KLHL10: variants seen among roughly 807,000 people sequenced by gnomAD.
The protein encoded by KLHL10 is kelch like family member 10, also known as kelch-like protein 10.
A neutral mutation model predicts 46.6 loss-of-function variants in KLHL10; 11 were observed. That is an observed-to-expected ratio of 0.24 (90% confidence interval 0.15 to 0.39). The LOEUF is 0.39. KLHL10 is among the 10% of genes least tolerant of loss of function. The pLI is 1.00. For synonymous variants in KLHL10, 254 were observed against 279.1 expected, an observed-to-expected ratio of 0.91 and a Z score of 0.90; for missense variants, 475 against 789.8, an observed-to-expected ratio of 0.60 and a Z score of 4.78.
chr17:41,836,475 T>C (rs2144115742), upstream of KLHL10: 1 of 984,212 alleles, frequency 1.0e-6, no homozygotes, highest in South Asian at 4.7e-5. Context: ...CCACTCTTTG[T>C]GGAGGAAAAG....
upstream of KLHL10, chr17:41,837,573 T>C: frequency 1.8e-6 from 2 of 1,090,682 alleles, no homozygotes; most frequent in South Asian, 5.7e-5. Flanking sequence ...GCTCCAGGGA[T>C]AGAGACCTGT....
At chr17:41,842,736 G>A (rs782409540) in intron 2 of KLHL10, among the ~76,000 whole-genome samples, 4 of 151,986 alleles carry the variant, frequency 2.6e-5, no homozygotes, top group African/African-American at 4.8e-5. Flanking sequence ...TCAGGAGTTC[G>A]AGACCAGCCT....
Position 41,847,411 on chromosome 17 carries a change from G to T in KLHL10, c.1452+1G>T. ...TGCTTATGGAGAACATGTATATGCG[G>T]TAAGTTTATCTAGTACCACACACAC... On this transcript the variant is annotated splice_donor_variant, in intron 4 of 4. Coordinates refer to ENST00000293303, the MANE Select transcript of KLHL10 (RefSeq NM_152467.5). LOFTEE classifies it high-confidence loss of function. The T allele has an allele frequency of 6.2e-7, 1 of 1,613,700 alleles. No homozygotes were observed. The highest frequency in any genetic ancestry group is 8.5e-7 in the Non-Finnish European group (1 of 1,179,792).
intron 1 of KLHL10, 148 bp from the exon 2 acceptor site, chr17:41,841,675 G>C: frequency 1.1e-6 from 1 of 881,560 alleles, no homozygotes; most frequent in Non-Finnish European, 1.8e-6. Context: ...AGGTAAGAGT[G>C]ACCAAAGTCA....
intron 4 of KLHL10, 23 bp from the exon 5 acceptor site, chr17:41,847,910 C>T (rs200016950): frequency 6.7e-4 from 1,087 of 1,613,382 alleles, no homozygotes; most frequent in Non-Finnish European, 8.3e-4. Flanking sequence ...AGCAGTCAAC[C>T]GTGTTTCTTT....
chr17:41,842,463 C>A, intron 2 of KLHL10, 151 bp downstream of exon 2: 1 of 932,888 alleles, frequency 1.1e-6, no homozygotes, highest in Non-Finnish European at 1.6e-6. Flanking sequence ...TTTCCCTTGG[C>A]ATTACTAGTT....
chr17:41,836,013 A>T (rs558540039), upstream of KLHL10: 324 of 1,470,808 alleles, frequency 2.2e-4, 2 homozygotes, highest in African/African-American at 4.5e-3. Context: ...GCCCGAGGGG[A>T]GCCCGGGGCT....
chr17:41,841,642 A>G (rs1287072111), intron 1 of KLHL10, 181 bp from the exon 2 acceptor site: 6 of 675,494 alleles, frequency 8.9e-6, no homozygotes, highest in Admixed American at 2.5e-5. Flanking sequence ...TCTCAGTTCT[A>G]GATCTTAATT....
chr17:41,845,295 G>C lies in KLHL10; in HGVS notation c.854G>C (p.Arg285Thr). The change falls in exon 3 of 5, where the codon AGA becomes ACA. Residue 285 changes from arginine to threonine, a missense_variant. Arg to Thr is a moderately conservative substitution (Grantham distance 71). Transcript: ENST00000293303. ...SNSDFTNPLT[R>T]PRLPYAILFA... ...TCTGATTTCACCAACCCACTCACCA[G>C]ACCACGCTTGCCCTATGCCATCCTC... 6.2e-7 allele frequency: 1 copy of C among 1,614,206 alleles called. No homozygotes were observed. Among genetic ancestry groups the C allele is most frequent in the Non-Finnish European group, 8.5e-7 (1 of 1,180,036 alleles).
intron 1 of KLHL10, among the ~76,000 whole-genome samples, chr17:41,840,489 A>G (rs1470535568): frequency 1.3e-5 from 2 of 151,838 alleles, no homozygotes; most frequent in Admixed American, 6.6e-5. Flanking sequence ...ACCGGGCATA[A>G]ATACAAAAAG....
upstream of KLHL10, chr17:41,836,063 G>C (rs1293252236): frequency 1.4e-5 from 20 of 1,397,524 alleles, 1 homozygote; most frequent in South Asian, 3.4e-4. Context: ...GGGTGCGCGA[G>C]GGGGCGGCTA....
chr17:41,836,180 A>G (rs2048155063), upstream of KLHL10: 1 of 1,273,658 alleles, frequency 7.9e-7, no homozygotes, highest in Admixed American at 4.2e-5. Flanking sequence ...CTCCCTCCTC[A>G]CCTCCTCTGC....
chr17:41,847,817 T>C, intron 4 of KLHL10, 116 bp from the exon 5 acceptor site: 2 of 1,451,870 alleles, frequency 1.4e-6, no homozygotes, highest in South Asian at 1.2e-5. Context: ...AAAGCTTTTT[T>C]TCATGGAAGA....
chr17:41,843,711 C>T (rs911666961), intron 2 of KLHL10, among the ~76,000 whole-genome samples: 4 of 152,040 alleles, frequency 2.6e-5, no homozygotes, highest in African/African-American at 4.8e-5. Context: ...TCATTCTCAG[C>T]TTCCAAATGT....
chr17:41,835,835 G>A (rs781823166), upstream of KLHL10: 79 of 1,588,238 alleles, frequency 5.0e-5, no homozygotes, highest in Non-Finnish European at 6.3e-5. Context: ...CAGCCCGGCC[G>A]GCCCCCGCAC....
chr17:41,836,101 G>T, upstream of KLHL10: 1 of 1,342,770 alleles, frequency 7.4e-7, no homozygotes. Flanking sequence ...GCGGTGCCTC[G>T]GTGACCAGCT....
upstream of KLHL10, chr17:41,836,555 G>A (rs944361742): frequency 5.9e-5 from 39 of 658,928 alleles, no homozygotes; most frequent in Non-Finnish European, 6.6e-5. Context: ...GGGCGCGGTG[G>A]CCCATACCTG....
In KLHL10 at chr17:41,845,549, G is replaced by T; in HGVS notation, c.1108G>T (p.Ala370Ser). ...DPVKKTWHQV[A>S]PMHSRRCYVS... ...AGTCAAGAAAACTTGGCATCAGGTG[G>T]CCCCGATGCACTCCAGACGTTGCTA... is the stretch of plus-strand genomic sequence containing the variant. Residue 370 changes from alanine (A) to serine (S), a missense_variant, in exon 3 of 5, where the codon GCC (alanine) becomes TCC (serine). Transcript: ENST00000293303. 1 of 1,614,192 alleles carries T rather than the reference G, an allele frequency of 6.2e-7. No homozygotes were observed. The highest frequency in any genetic ancestry group is 1.1e-5 in the South Asian group (1 of 91,090).
upstream of KLHL10, chr17:41,836,507 C>A: frequency 1.0e-6 from 1 of 964,952 alleles, no homozygotes; most frequent in Non-Finnish European, 1.2e-6. Context: ...GTGGTCATTT[C>A]CAGGCTGAAA....
Sources: allele counts gnomAD v4.1 joint callset (sites outside exome capture counted in the v4.1 genomes callset), GRCh38; gene constraint gnomAD v4.1.1; transcripts MANE v1.5; gene names NCBI Gene and HGNC (gene_info 2026-07-23, HGNC 2026-07-21).